Variants in UBE3D observed in about 807,000 individuals in gnomAD.
The protein encoded by UBE3D is ubiquitin protein ligase E3D.
In UBE3D, 48 loss-of-function variants were observed where a neutral mutation model predicts 49.6. That is an observed-to-expected ratio of 0.97 (90% CI 0.77 to 1.23). The LOEUF (loss-of-function observed/expected upper bound fraction) is 1.23, where lower values mean the gene tolerates loss of function less well. Among genes scored for constraint, UBE3D ranks in the 50% most tolerant of loss-of-function variants. UBE3D has a pLI of 0.00. For synonymous variants in UBE3D, 189 were observed against 174.2 expected (o/e 1.08, Z -0.67); for missense variants, 452 against 468.4 (o/e 0.96, Z 0.32).
intron 8 of UBE3D, among the ~76,000 whole-genome samples, chr6:82,998,642 T>C (rs574607604): frequency 6.6e-6 from 1 of 152,340 alleles, no homozygotes; most frequent in Non-Finnish European, 1.5e-5. Context: ...TCTTTGGTAC[T>C]TAAAAAAATT....
Position 82,991,801 on chromosome 6 carries a change from CT to C in UBE3D, c.1010+27171del, listed in dbSNP as rs981982618. Among the ~76,000 whole-genome samples the C allele has an allele frequency of 3.7e-4, 57 of 152,228 alleles. 1 individual carries two copies. The highest frequency in any genetic ancestry group is 3.2e-3 in the Admixed American group (49 of 15,300). On this transcript the variant is annotated intron_variant, in intron 8 of 9. Coordinates refer to ENST00000369747, the MANE Select transcript of UBE3D (RefSeq NM_198920.3). The stretch of plus-strand genomic sequence containing the variant: ...TTCTGACCATTTCCTGAATTCCCAA[CT>C]TTCAGATTTTCCCCTTAAGGTTTTT...
intron 8 of UBE3D, among the ~76,000 whole-genome samples, chr6:82,961,612 G>A (rs1169577369): frequency 1.3e-5 from 2 of 152,172 alleles, no homozygotes; most frequent in Non-Finnish European, 2.9e-5. Context: ...TCCTCTCCAA[G>A]CAAACCATAA....
intron 8 of UBE3D, among the ~76,000 whole-genome samples, chr6:82,981,660 C>G (rs989660325): frequency 6.6e-6 from 1 of 151,940 alleles, no homozygotes; most frequent in Non-Finnish European, 1.5e-5. Flanking sequence ...TGTAAACTGG[C>G]CTGAGAACCT....
intron 9 of UBE3D, among the ~76,000 whole-genome samples, chr6:82,914,653 T>C (rs918220360): frequency 6.6e-6 from 1 of 152,222 alleles, no homozygotes; most frequent in Non-Finnish European, 1.5e-5. Context: ...ATATCCTTGT[T>C]AGACTGTATC....
At chr6:82,943,295 G>A (rs1450820425) in intron 9 of UBE3D, among the ~76,000 whole-genome samples, 3 of 151,826 alleles carry the variant, frequency 2.0e-5, no homozygotes, top group African/African-American at 7.3e-5. Flanking sequence ...CCCCTGACAG[G>A]GAAAGCAAAT....
In UBE3D at chr6:83,044,557, C is replaced by A. The variant is rs151054939; in HGVS notation, c.468G>T (p.Pro156=). The A allele has an allele frequency of 5.0e-6, 8 of 1,613,966 alleles. No homozygotes were observed. The highest frequency in any genetic ancestry group is 4.5e-5 in the East Asian group (2 of 44,894). Residue 156 remains proline, a synonymous_variant, in exon 4 of 10, where the codon CCG becomes CCT. Coordinates refer to ENST00000369747, the MANE Select transcript of UBE3D (RefSeq NM_198920.3). The part of the protein sequence containing the change: ...PDPFANKSLH[P]QENDCFIGDS... ...CTCCAATAAAACAGTCATTCTCTTG[C>A]GGATGAAGTGATTTATTAGCAAAGG...
intron 8 of UBE3D, among the ~76,000 whole-genome samples, chr6:82,977,113 C>CAAAAAAAAAAA (rs58424434): frequency 3.1e-4 from 13 of 42,582 alleles, no homozygotes; most frequent in African/African-American, 1.3e-3. Context: ...GACTCCATCT[C>CAAAAAAAAAAA]AAAAAAAAAA....
intron 8 of UBE3D, among the ~76,000 whole-genome samples, chr6:82,973,455 C>T (rs566992286): frequency 5.2e-4 from 79 of 152,248 alleles, no homozygotes; most frequent in Non-Finnish European, 9.4e-4. Flanking sequence ...AAAATGTTTG[C>T]TAAATTTTTC....
chr6:82,945,501 T>C (rs1405560668), intron 9 of UBE3D, among the ~76,000 whole-genome samples: 3 of 152,222 alleles, frequency 2.0e-5, no homozygotes, highest in East Asian at 3.8e-4. Flanking sequence ...CCAAGTCCTT[T>C]TGAATGCCTG....
intron 8 of UBE3D, among the ~76,000 whole-genome samples, chr6:83,003,081 A>C (rs916239115): frequency 4.6e-5 from 7 of 152,102 alleles, no homozygotes; most frequent in African/African-American, 1.7e-4. Context: ...GTATAGCAGG[A>C]GGTAATAAAA....
intron 8 of UBE3D, among the ~76,000 whole-genome samples, chr6:82,997,953 T>C (rs149791416): frequency 3.3e-5 from 3 of 91,404 alleles, no homozygotes; most frequent in Non-Finnish European, 6.6e-5. Context: ...ACCTGGGGAA[T>C]TAGGAATGAT....
At chr6:83,053,594 A>T (rs1054456427) in intron 3 of UBE3D, among the ~76,000 whole-genome samples, 1 of 152,138 alleles carries the variant, frequency 6.6e-6, no homozygotes, top group Non-Finnish European at 1.5e-5. Flanking sequence ...AAAACCAACA[A>T]AGAGTCCTTC....
intron 1 of UBE3D, among the ~76,000 whole-genome samples, chr6:83,064,963 A>AC (rs1275693682): frequency 6.6e-6 from 1 of 152,222 alleles, no homozygotes; most frequent in African/African-American, 2.4e-5. Flanking sequence ...AAAGGAATAG[A>AC]CAAGGGGACC....
rs565558981 is a variant in UBE3D at position 82,999,573 on chromosome 6, C to T, written c.1010+19400G>A. ...CTAATTTTTGGATTTTTAGTAGAGACGGGGTTTCACCATGTTGGCCAGGCT... is the reference window on the plus strand; with the variant it reads ...CTAATTTTTGGATTTTTAGTAGAGATGGGGTTTCACCATGTTGGCCAGGCT... On this transcript the variant is annotated intron_variant, in intron 8 of 9. Transcript: ENST00000369747. 9.1e-4 allele frequency among the ~76,000 whole-genome samples: 138 copies of T among 152,148 alleles called. 4 individuals are homozygous for T. The South Asian group carries it at 0.019, about 21-fold the overall frequency.
intron 9 of UBE3D, among the ~76,000 whole-genome samples, chr6:82,956,960 T>C (rs1377924265): frequency 6.6e-6 from 1 of 152,112 alleles, no homozygotes; most frequent in Non-Finnish European, 1.5e-5. Context: ...AAACCCTGTC[T>C]CTACTAAAAA....
At chr6:83,032,677 C>G (rs1781963755) in intron 5 of UBE3D, among the ~76,000 whole-genome samples, 1 of 152,106 alleles carries the variant, frequency 6.6e-6, no homozygotes, top group Admixed American at 6.5e-5. Flanking sequence ...TTGGCTGTGT[C>G]CCCACCCAAA....
chr6:82,997,883 G>A (rs552805826), intron 8 of UBE3D, among the ~76,000 whole-genome samples: 86 of 152,278 alleles, frequency 5.6e-4, no homozygotes, highest in African/African-American at 1.9e-3. Context: ...GGTAGTCCAC[G>A]GATTTGAACT....
intron 4 of UBE3D, among the ~76,000 whole-genome samples, chr6:83,038,896 T>C (rs1437870042): frequency 6.6e-6 from 1 of 151,722 alleles, no homozygotes; most frequent in Non-Finnish European, 1.5e-5. Flanking sequence ...TCACACTATT[T>C]TGACTCCTAG....
At chr6:82,994,312 G>T (rs945755200) in intron 8 of UBE3D, among the ~76,000 whole-genome samples, 1 of 152,128 alleles carries the variant, frequency 6.6e-6, no homozygotes, top group East Asian at 1.9e-4. Context: ...AAAGTTTAGA[G>T]TCCCATGGGT....
Sources: allele counts gnomAD v4.1 joint callset (sites outside exome capture counted in the v4.1 genomes callset), GRCh38; gene constraint gnomAD v4.1.1; transcripts MANE v1.5; gene names NCBI Gene and HGNC (gene_info 2026-07-23, HGNC 2026-07-21).